Variants in GMPR observed in about 807,000 individuals in gnomAD.
The protein encoded by GMPR is guanosine monophosphate reductase.
GMPR carries 31 observed loss-of-function variants against 38.4 expected under a neutral mutation model. The observed-to-expected ratio is 0.81, with a 90% CI of 0.61 to 1.09. The LOEUF (loss-of-function observed/expected upper bound fraction) is 1.09, where lower values mean the gene tolerates loss of function less well. Ranked by LOEUF, GMPR falls within the 50% of genes least tolerant of loss-of-function variation. The pLI is 0.00. For missense variants in GMPR, 468 were observed against 453.7 expected (o/e 1.03, Z -0.29); for synonymous variants, 162 against 173.3 (o/e 0.93, Z 0.51).
intron 4 of GMPR, among the ~76,000 whole-genome samples, chr6:16,268,223 C>G (rs956500309): frequency 2.0e-5 from 3 of 152,222 alleles, no homozygotes; most frequent in African/African-American, 7.2e-5. Flanking sequence ...CTCAGTTTAA[C>G]ATGGCTGTTG....
chr6:16,246,405 TTGTG>T (rs915329343), intron 1 of GMPR, among the ~76,000 whole-genome samples: 1 of 152,134 alleles, frequency 6.6e-6, no homozygotes, highest in Non-Finnish European at 1.5e-5. Context: ...AAGGGATTAA[TTGTG>T]TGGCGCTCAC....
chr6:16,258,438 C>T (rs931983559), intron 4 of GMPR, among the ~76,000 whole-genome samples: 59 of 152,206 alleles, frequency 3.9e-4, no homozygotes, highest in African/African-American at 1.0e-3. Flanking sequence ...CTGGGTAAGA[C>T]GAGGGAAAGG....
intron 2 of GMPR, 26 bp downstream of exon 2, chr6:16,246,987 C>A (rs1219145767): frequency 1.9e-6 from 3 of 1,609,618 alleles, no homozygotes; most frequent in Non-Finnish European, 2.5e-6. Flanking sequence ...TTTGTTTTTT[C>A]CCTTTGCTGC....
At chr6:16,268,187 TTC>T (rs1160166069) in intron 4 of GMPR, among the ~76,000 whole-genome samples, 1 of 152,232 alleles carries the variant, frequency 6.6e-6, no homozygotes, top group Non-Finnish European at 1.5e-5. Context: ...AAAGGTGATG[TTC>T]TCTCTGAAGA....
chr6:16,270,439 C>T (rs1204144479), intron 4 of GMPR, among the ~76,000 whole-genome samples: 6 of 152,202 alleles, frequency 3.9e-5, no homozygotes, highest in East Asian at 1.9e-4. Flanking sequence ...ATCCGCTCCA[C>T]ACCCAAGGTG....
intron 3 of GMPR, among the ~76,000 whole-genome samples, chr6:16,252,306 C>G (rs1758889866): frequency 6.6e-6 from 1 of 152,152 alleles, no homozygotes; most frequent in Admixed American, 6.6e-5. Context: ...GTCACCCAGA[C>G]TGGAGTGCAA....
At chr6:16,278,751 A>T in intron 5 of GMPR, 33 bp from the exon 6 acceptor site, 2 of 1,412,950 alleles carry the variant, frequency 1.4e-6, no homozygotes, top group South Asian at 1.1e-5. Flanking sequence ...ATGTATAACC[A>T]TCTATTTGGG....
At chr6:16,250,414 C>CA (rs1758849042) in intron 3 of GMPR, 47 bp downstream of exon 3, 1 of 1,035,306 alleles carries the variant, frequency 9.7e-7, no homozygotes, top group African/African-American at 1.6e-5. Context: ...CAGGGGGGAA[C>CA]AAAATCTTCA....
chr6:16,266,963 GT>G lies in GMPR; in HGVS notation c.466-7451del, dbSNP rs1398840256. ...CTGCGGCTTCACTCCTGAAGTCGGC[GT>G]AGACCATGAACCCACGAGGAGGAAC... On this transcript the variant is annotated intron_variant, in intron 4 of 8. Coordinates refer to ENST00000259727, the MANE Select transcript of GMPR (RefSeq NM_006877.4). 5.3e-4 allele frequency among the ~76,000 whole-genome samples: 80 copies of G among 151,426 alleles called. 2 individuals are homozygous for G. Among genetic ancestry groups the G allele is most frequent in the African/African-American group, 1.8e-3 (73 of 41,300 alleles).
Position 16,280,148 on chromosome 6 carries a change from A to G in GMPR, c.654+1258A>G, listed in dbSNP as rs149760823. On this transcript the variant is annotated intron_variant, in intron 6 of 8. Transcript: ENST00000259727. ...GTTCGGGGCTGGTGTGGTGATCACT[A>G]TGGCACGTGTCTGTTGATTCTGAGG... Among the ~76,000 whole-genome samples the G allele has an allele frequency of 1.4e-3, 206 of 152,228 alleles. 7 individuals are homozygous for G. In the East Asian group the frequency reaches 0.034, roughly 25 times the overall value.
chr6:16,285,687 G>T, intron 6 of GMPR, 106 bp from the exon 7 acceptor site: 1 of 861,662 alleles, frequency 1.2e-6, no homozygotes, highest in Non-Finnish European at 1.9e-6. Flanking sequence ...CTTGCTGGGG[G>T]CTGTGGTGGG....
At chr6:16,242,536 TCTG>T (rs1350372087) in intron 1 of GMPR, among the ~76,000 whole-genome samples, 1 of 152,184 alleles carries the variant, frequency 6.6e-6, no homozygotes, top group Non-Finnish European at 1.5e-5. Flanking sequence ...TCTCCCAGCT[TCTG>T]CTGGTTTGCT....
At chr6:16,266,866 A>G (rs989752510) in intron 4 of GMPR, among the ~76,000 whole-genome samples, 3 of 151,650 alleles carry the variant, frequency 2.0e-5, no homozygotes, top group Non-Finnish European at 4.4e-5. Flanking sequence ...CAGCGAGACC[A>G]CGAACCGTCC....
intron 1 of GMPR, among the ~76,000 whole-genome samples, chr6:16,239,226 G>A (rs1758597079): frequency 6.6e-6 from 1 of 152,184 alleles, no homozygotes; most frequent in South Asian, 2.1e-4. Context: ...TCCAGCGGTG[G>A]AACTTCGTGA....
In GMPR at chr6:16,295,146, T is replaced by G; in HGVS notation, c.998T>G (p.Phe333Cys). ...AAGGAGCTCAGCAGGAGGGCAACAT[T>G]CATCCGGGTGACCCAGCAGCACAAC... ...KLKELSRRATFIRVTQQHNTV... is the reference protein window; with the variant it reads ...KLKELSRRATCIRVTQQHNTV... The change falls in exon 9 of 9, where the codon TTC becomes TGC. Residue 333 changes from phenylalanine to cysteine, a missense_variant. Phe to Cys is a radical substitution (Grantham distance 205). Transcript: ENST00000259727. 6.4e-7 allele frequency: 1 copy of G among 1,558,750 alleles called. No individual in the cohort carries two copies. Among genetic ancestry groups the G allele is most frequent in the Non-Finnish European group, 8.6e-7 (1 of 1,159,034 alleles).
At chr6:16,268,829 C>T (rs1458287540) in intron 4 of GMPR, among the ~76,000 whole-genome samples, 1 of 151,684 alleles carries the variant, frequency 6.6e-6, no homozygotes, top group Non-Finnish European at 1.5e-5. Flanking sequence ...GTACTCAATG[C>T]CACTGAACTG....
chr6:16,266,012 G>A (rs1433530222), intron 4 of GMPR, among the ~76,000 whole-genome samples: 2 of 151,856 alleles, frequency 1.3e-5, no homozygotes, highest in African/African-American at 2.4e-5. Flanking sequence ...TCACCGTGAA[G>A]GTCTGTGGCT....
intron 5 of GMPR, among the ~76,000 whole-genome samples, chr6:16,275,067 C>G (rs892236513): frequency 6.6e-6 from 1 of 152,116 alleles, no homozygotes; most frequent in Non-Finnish European, 1.5e-5. Flanking sequence ...AGCAGAAGAA[C>G]GAGGTAGAGC....
chr6:16,290,772 A>G, intron 8 of GMPR, 151 bp downstream of exon 8: 1 of 669,020 alleles, frequency 1.5e-6, no homozygotes, highest in Middle Eastern at 4.2e-4. Flanking sequence ...GTATCCAGTT[A>G]GCATTTGCAG....
Sources: gnomAD v4.1 joint callset for allele counts (sites outside exome capture counted in the v4.1 genomes callset) on GRCh38, gnomAD v4.1.1 for gene constraint, MANE v1.5 for transcripts, NCBI Gene and HGNC (gene_info 2026-07-23, HGNC 2026-07-21) for gene names.